CCDC91: variants seen among roughly 807,000 people sequenced by gnomAD.
CCDC91 encodes the protein coiled-coil domain-containing protein 91.
In CCDC91, 48 loss-of-function variants were observed where a neutral mutation model predicts 63.2. That is an observed-to-expected ratio of 0.76 (90% CI 0.60 to 0.97). The LOEUF (loss-of-function observed/expected upper bound fraction) is 0.97, where lower values mean the gene tolerates loss of function less well. CCDC91 is among the 50% of genes least tolerant of loss of function. The pLI is 0.00. For missense variants in CCDC91, 500 were observed against 494.6 expected, an observed-to-expected ratio of 1.01 and a Z score of -0.10; for synonymous variants, 167 against 165.8, an observed-to-expected ratio of 1.01 and a Z score of -0.06.
intron 6 of CCDC91, among the ~76,000 whole-genome samples, chr12:28,333,718 CA>C (rs1222478739): frequency 1.3e-5 from 2 of 152,044 alleles, no homozygotes; most frequent in Non-Finnish European, 2.9e-5. Context: ...ACCTTTATTG[CA>C]GCTTTAAATT....
At chr12:28,217,642 A>G (rs1565625541) in intron 1 of CCDC91, among the ~76,000 whole-genome samples, 1 of 152,158 alleles carries the variant, frequency 6.6e-6, no homozygotes, top group Admixed American at 6.5e-5. Context: ...ATTTCATGGT[A>G]GGAATAGATT....
intron 12 of CCDC91, chr12:28,505,347 G>A (rs1938570308): frequency 6.6e-6 from 1 of 151,830 alleles, no homozygotes; most frequent in African/African-American, 2.4e-5. Flanking sequence ...CCTTGAAAGA[G>A]TTATTCTGCG....
chr12:28,429,979 G>C (rs554530884), intron 8 of CCDC91, among the ~76,000 whole-genome samples: 204 of 151,856 alleles, frequency 1.3e-3, no homozygotes, highest in Non-Finnish European at 2.1e-4. Flanking sequence ...CATTCTGTAT[G>C]GTACATTTCA....
intron 1 of CCDC91, among the ~76,000 whole-genome samples, chr12:28,211,948 G>T (rs1259234131): frequency 6.6e-6 from 1 of 152,064 alleles, no homozygotes; most frequent in Admixed American, 6.5e-5. Flanking sequence ...GTTAATTTCT[G>T]GATCAAATCC....
intron 3 of CCDC91, among the ~76,000 whole-genome samples, chr12:28,264,768 T>G (rs115906075): frequency 0.015 from 2,293 of 152,038 alleles, 69 homozygotes; most frequent in African/African-American, 0.053. Flanking sequence ...TTTCTCATTG[T>G]AGCGGACTCA....
At chr12:28,427,489 C>T (rs1230595823) in intron 8 of CCDC91, among the ~76,000 whole-genome samples, 2 of 152,052 alleles carry the variant, frequency 1.3e-5, no homozygotes. Context: ...ACCCCCCGAC[C>T]CCACCCCTCA....
intron 1 of CCDC91, among the ~76,000 whole-genome samples, chr12:28,224,064 C>G (rs544320939): frequency 8.3e-4 from 126 of 152,164 alleles, no homozygotes; most frequent in African/African-American, 2.8e-3. Context: ...CATTTTGTGC[C>G]CATGTGGTTT....
chr12:28,295,166 T>A (rs1469326967), intron 3 of CCDC91, among the ~76,000 whole-genome samples: 1 of 152,172 alleles, frequency 6.6e-6, no homozygotes, highest in Non-Finnish European at 1.5e-5. Context: ...TGCAATTTAT[T>A]TCAATATTTG....
At chr12:28,529,577 G>A (rs1489684667) in intron 12 of CCDC91, among the ~76,000 whole-genome samples, 1 of 152,190 alleles carries the variant, frequency 6.6e-6, no homozygotes, top group Non-Finnish European at 1.5e-5. Context: ...AGGGTTAGAT[G>A]AGTGCATGCA....
At chr12:28,242,457 G>A (rs184172070) in intron 1 of CCDC91, among the ~76,000 whole-genome samples, 4 of 152,270 alleles carry the variant, frequency 2.6e-5, no homozygotes, top group East Asian at 3.9e-4. Context: ...CCAAACATAG[G>A]AAATAACAGA....
chr12:28,217,729 A>G (rs1177566126), intron 1 of CCDC91, among the ~76,000 whole-genome samples: 3 of 151,954 alleles, frequency 2.0e-5, no homozygotes, highest in African/African-American at 7.2e-5. Flanking sequence ...ATAAAACTCT[A>G]TGTAATCATT....
intron 8 of CCDC91, among the ~76,000 whole-genome samples, chr12:28,435,111 T>C (rs1050047212): frequency 2.2e-4 from 33 of 151,732 alleles, no homozygotes; most frequent in East Asian, 3.8e-4. Context: ...TGATTTTTTT[T>C]CCTCTATTTT....
intron 3 of CCDC91, among the ~76,000 whole-genome samples, chr12:28,297,677 G>T (rs1313007726): frequency 6.6e-6 from 1 of 151,774 alleles, no homozygotes; most frequent in Non-Finnish European, 1.5e-5. Context: ...GTGGAAGTAG[G>T]TGTTGTTGGG....
intron 1 of CCDC91, among the ~76,000 whole-genome samples, chr12:28,227,308 A>AT (rs1339050462): frequency 1.3e-5 from 2 of 152,030 alleles, no homozygotes; most frequent in South Asian, 2.1e-4. Flanking sequence ...AGCTACATAG[A>AT]TTTTTTTGGA....
chr12:28,512,512 T>TG (rs1411885200), intron 12 of CCDC91, among the ~76,000 whole-genome samples: 1 of 151,922 alleles, frequency 6.6e-6, no homozygotes, highest in Non-Finnish European at 1.5e-5. Flanking sequence ...ACATGGCGAA[T>TG]GGGCCAAATC....
intron 12 of CCDC91, among the ~76,000 whole-genome samples, chr12:28,540,604 G>A (rs1321976705): frequency 6.6e-6 from 1 of 152,080 alleles, no homozygotes; most frequent in Non-Finnish European, 1.5e-5. Context: ...CCTGCTACTT[G>A]GGCAAGTCAT....
intron 3 of CCDC91, chr12:28,304,482 CAAA>C (rs911792373): frequency 7.8e-6 from 2 of 254,958 alleles, no homozygotes; most frequent in African/African-American, 4.8e-5. Flanking sequence ...CATAATATGT[CAAA>C]AATGCAATAT....
intron 12 of CCDC91, among the ~76,000 whole-genome samples, chr12:28,504,799 A>T (rs1268337760): frequency 6.6e-6 from 1 of 151,980 alleles, no homozygotes; most frequent in Non-Finnish European, 1.5e-5. Context: ...ACCAAGAAAA[A>T]AATGCCGTGT....
At chr12:28,535,578 T>A (rs1177324502) in intron 12 of CCDC91, among the ~76,000 whole-genome samples, 1 of 152,232 alleles carries the variant, frequency 6.6e-6, no homozygotes, top group Non-Finnish European at 1.5e-5. Context: ...CTTGGATAAC[T>A]TTTTTAAACA....
Sources: gnomAD v4.1 joint callset for allele counts (sites outside exome capture counted in the v4.1 genomes callset) on GRCh38, gnomAD v4.1.1 for gene constraint, MANE v1.5 for transcripts, NCBI Gene and HGNC (gene_info 2026-07-23, HGNC 2026-07-21) for gene names.